The following TMTC4 variants were observed in gnomAD, a reference collection of about 807,000 sequenced individuals.
TMTC4 encodes the protein protein O-mannosyl-transferase TMTC4.
A neutral mutation model predicts 86.0 loss-of-function variants in TMTC4; 65 were observed. That is an observed-to-expected ratio of 0.76 (90% CI 0.62 to 0.93). The LOEUF (loss-of-function observed/expected upper bound fraction) is 0.93. Ranked by LOEUF, TMTC4 falls within the 40% of genes least tolerant of loss-of-function variation. TMTC4 has a pLI of 0.00. For synonymous variants in TMTC4, 379 were observed against 382.5 expected (o/e 0.99, Z 0.11); for missense variants, 866 against 948.1 (o/e 0.91, Z 1.14).
chr13:100,667,955 T>C (rs1190586995), intron 3 of TMTC4, among the ~76,000 whole-genome samples: 1 of 152,214 alleles, frequency 6.6e-6, no homozygotes, highest in East Asian at 1.9e-4. Context: ...CCATTTTTCC[T>C]GCACTGATAC....
In TMTC4 at chr13:100,630,469, T is replaced by C. The variant is rs976166526; in HGVS notation, c.1507-4319A>G. Among the ~76,000 whole-genome samples the C allele has an allele frequency of 2.0e-5, 3 of 152,230 alleles. No individual in the cohort carries two copies. The South Asian group carries it at 6.2e-4, about 32-fold the overall frequency. ...CATAGGTATTTTTGTCCTCAAATTG[T>C]AGCTTGGAGGAGGCTCAGTTAATGC... On this transcript the variant is annotated intron_variant, in intron 12 of 18. Transcript: ENST00000342624.
At chr13:100,623,921 C>T in intron 15 of TMTC4, 1 of 491,332 alleles carries the variant, frequency 2.0e-6, no homozygotes, top group Non-Finnish European at 4.1e-6. Context: ...TAGGGTCTTC[C>T]TTGGTGCCTA....
At chr13:100,631,889 T>C (rs1369257752) in intron 12 of TMTC4, among the ~76,000 whole-genome samples, 1 of 151,986 alleles carries the variant, frequency 6.6e-6, no homozygotes. Flanking sequence ...AAAAAGAAAC[T>C]CCCAAAAATC....
intron 7 of TMTC4, among the ~76,000 whole-genome samples, chr13:100,640,419 C>T (rs1265915411): frequency 6.6e-6 from 1 of 152,126 alleles, no homozygotes; most frequent in South Asian, 2.1e-4. Context: ...TATGGTAATT[C>T]TCCCTATACC....
chr13:100,618,092 T>C (rs1286152389), intron 15 of TMTC4, among the ~76,000 whole-genome samples: 1 of 152,218 alleles, frequency 6.6e-6, no homozygotes, highest in African/African-American at 2.4e-5. Context: ...ATCCTTTTTA[T>C]GGCTCTTGTA....
intron 12 of TMTC4, among the ~76,000 whole-genome samples, chr13:100,629,226 T>C (rs1880981467): frequency 6.6e-6 from 1 of 152,138 alleles, no homozygotes; most frequent in Non-Finnish European, 1.5e-5. Context: ...GACTTTACAA[T>C]ACAAAGTGAG....
In TMTC4 at chr13:100,659,847, C is replaced by T. The variant is rs920296301; in HGVS notation, c.552+3117G>A. Among the ~76,000 whole-genome samples, 6 of 149,036 alleles carry T rather than the reference C, an allele frequency of 4.0e-5. No homozygotes were observed. The South Asian group carries it at 6.6e-4, about 16-fold the overall frequency. The stretch of plus-strand genomic sequence containing the variant: ...GCCCAAGTCATCCCCATTTGCCCGG[C>T]TGTCGTTGCTTTAAAATGGAAAATC... On this transcript the variant is annotated intron_variant, in intron 5 of 18. Transcript: ENST00000342624.
At chr13:100,662,892 G>T (rs1885946820) in intron 5 of TMTC4, 72 bp downstream of exon 5, 1 of 1,545,272 alleles carries the variant, frequency 6.5e-7, no homozygotes, top group African/African-American at 1.4e-5. Flanking sequence ...CCTGTTTTAG[G>T]AAACCAGGCG....
chr13:100,607,840 G>A lies in TMTC4; in HGVS notation c.2065-1413C>T, dbSNP rs1007344867. On this transcript the variant is annotated intron_variant, in intron 17 of 18. Coordinates refer to ENST00000342624, the MANE Select transcript of TMTC4 (RefSeq NM_032813.5). ...TAAGAAAGACATCAGGACAACATAC[G>A]GGATGTCAGTTCAAAGTCAGTGTAG... Among the ~76,000 whole-genome samples the A allele has an allele frequency of 7.2e-5, 11 of 152,188 alleles. No homozygotes were observed. In the East Asian group the frequency reaches 1.7e-3, roughly 24 times the overall value.
intron 12 of TMTC4, among the ~76,000 whole-genome samples, chr13:100,629,398 G>A (rs985385649): frequency 4.6e-5 from 7 of 152,066 alleles, no homozygotes; most frequent in Admixed American, 6.5e-5. Flanking sequence ...CTGTGTGATC[G>A]CGGTCTTTCC....
chr13:100,639,660 C>A (rs530481564), intron 7 of TMTC4, among the ~76,000 whole-genome samples: 1 of 152,336 alleles, frequency 6.6e-6, no homozygotes, highest in African/African-American at 2.4e-5. Context: ...ACAGAGGAGG[C>A]CTGGCGTGGT....
intron 1 of TMTC4, chr13:100,673,317 A>G: frequency 1.0e-6 from 1 of 985,354 alleles, no homozygotes; most frequent in Non-Finnish European, 1.2e-6. Context: ...CCAAACCTAA[A>G]TGTTTCCCCT....
At chr13:100,633,041 G>A (rs1881659100) in intron 12 of TMTC4, among the ~76,000 whole-genome samples, 2 of 152,222 alleles carry the variant, frequency 1.3e-5, no homozygotes, top group East Asian at 1.9e-4. Flanking sequence ...GGCTGGGCGC[G>A]GAGGCTCATG....
chr13:100,637,685 C>G lies in TMTC4; in HGVS notation c.852G>C (p.Arg284Ser), dbSNP rs536255240. 3 of 1,613,910 alleles carry G rather than the reference C, an allele frequency of 1.9e-6. No individual in the cohort carries two copies. Among genetic ancestry groups the G allele is most frequent in the Non-Finnish European group, 2.5e-6 (3 of 1,179,874 alleles). ...DKSLENLGML[R>S]NGGLLFRMTL... ...TCATTCTGAAGAGGAGGCCCCCGTT[C>G]CTGAGCATGCCGAGATTCTGCAAGG... The change falls in exon 9 of 19, where the codon AGG becomes AGC. Residue 284 changes from arginine (R) to serine (S), a missense_variant. By Grantham distance (110) the Arg-to-Ser change is moderately radical. Transcript: ENST00000342624.
chr13:100,646,413 A>G (rs1020878611), intron 6 of TMTC4, among the ~76,000 whole-genome samples: 2 of 152,206 alleles, frequency 1.3e-5, no homozygotes, highest in African/African-American at 4.8e-5. Flanking sequence ...ACTGCTTCTT[A>G]GAGGCTGTGC....
intron 6 of TMTC4, among the ~76,000 whole-genome samples, chr13:100,653,830 G>A (rs1884742066): frequency 6.6e-6 from 1 of 152,304 alleles, no homozygotes; most frequent in Middle Eastern, 3.4e-3. Context: ...TGGACACCAT[G>A]AGGGGACAGG....
At chr13:100,613,599 G>A (rs1428923621) in intron 16 of TMTC4, among the ~76,000 whole-genome samples, 1 of 152,088 alleles carries the variant, frequency 6.6e-6, no homozygotes, top group African/African-American at 2.4e-5. Context: ...TCACTTCTGA[G>A]TGCTCCCAAC....
At chr13:100,639,981 T>C (rs1403467234) in intron 7 of TMTC4, among the ~76,000 whole-genome samples, 2 of 151,212 alleles carry the variant, frequency 1.3e-5, no homozygotes, top group Admixed American at 1.3e-4. Flanking sequence ...AAATAAAAAA[T>C]AAAGTACTGC....
rs1182806074 is a variant in TMTC4 at position 100,612,382 on chromosome 13, C to A, written c.2064+16G>T. ...TGGCACTAACTGCAAGAACTCACAG[C>A]CTGCGGTTTACGCACCTTGTATTTC... On this transcript the variant is annotated intron_variant, in intron 17 of 18. Transcript: ENST00000342624. 4 of 1,578,644 alleles carry A rather than the reference C, an allele frequency of 2.5e-6. No individual in the cohort carries two copies. Among genetic ancestry groups the A allele is most frequent in the East Asian group, 2.3e-5 (1 of 43,880 alleles).
Sources: allele counts gnomAD v4.1 joint callset (sites outside exome capture counted in the v4.1 genomes callset), GRCh38; gene constraint gnomAD v4.1.1; transcripts MANE v1.5; gene names NCBI Gene and HGNC (gene_info 2026-07-23, HGNC 2026-07-21).